The following FANCA variants were observed in gnomAD, a reference collection of about 807,000 sequenced individuals.
FANCA encodes the protein Fanconi anemia group A protein.
A neutral mutation model predicts 194.3 loss-of-function variants in FANCA; 236 were observed. The observed-to-expected ratio is 1.21, with a 90% confidence interval of 1.09 to 1.35. The LOEUF (loss-of-function observed/expected upper bound fraction) is 1.35, where lower values mean the gene tolerates loss of function less well. Ranked by LOEUF, FANCA falls within the 40% of genes most tolerant of loss-of-function variation. FANCA has a pLI of 0.00. For missense variants in FANCA, 2,628 were observed against 1,813.9 expected (o/e 1.45, Z -8.15); for synonymous variants, 1,014 against 715.8 (o/e 1.42, Z -6.65).
At chr16:89,746,339 A>G (rs2038386462) in intron 35 of FANCA, among the ~76,000 whole-genome samples, 1 of 152,140 alleles carries the variant, frequency 6.6e-6, no homozygotes, top group African/African-American at 2.4e-5. Context: ...TGGGGTCCAC[A>G]GGGGAGAAGT....
intron 29 of FANCA, among the ~76,000 whole-genome samples, chr16:89,760,632 C>G (rs905296476): frequency 6.6e-6 from 1 of 152,186 alleles, no homozygotes; most frequent in African/African-American, 2.4e-5. Flanking sequence ...CTCCTATGCC[C>G]AGAACAGCAC....
chr16:89,801,757 G>T (rs2040461236), intron 8 of FANCA, among the ~76,000 whole-genome samples: 1 of 151,866 alleles, frequency 6.6e-6, no homozygotes, highest in African/African-American at 2.4e-5. Flanking sequence ...GCATGGTGGT[G>T]CATGCCTGTA....
In FANCA at chr16:89,762,000, T is replaced by C; in HGVS notation, c.2801A>G (p.His934Arg). 1 of 1,614,004 alleles carries C rather than the reference T, an allele frequency of 6.2e-7. No individual in the cohort carries two copies. Among genetic ancestry groups the C allele is most frequent in the Non-Finnish European group, 8.5e-7 (1 of 1,179,898 alleles). Residue 934 changes from histidine (H) to arginine (R), a missense_variant, in exon 29 of 43, where the codon CAC (histidine) becomes CGC (arginine). Transcript: ENST00000389301. Reference protein sequence around the residue: ...DVHLTYQDWLHLELEIQPEAD... With the variant: ...DVHLTYQDWLRLELEIQPEAD... Reference sequence around the variant, plus strand: ...TTCAGGTTGAATTTCCAGCTCCAGGTGTAACCAGTCTTGGTAAGTTAACTG... The same window carrying C: ...TTCAGGTTGAATTTCCAGCTCCAGGCGTAACCAGTCTTGGTAAGTTAACTG...
intron 28 of FANCA, among the ~76,000 whole-genome samples, chr16:89,762,236 G>A (rs1226785629): frequency 6.6e-6 from 1 of 152,212 alleles, no homozygotes; most frequent in Non-Finnish European, 1.5e-5. Flanking sequence ...TGTTAGTACT[G>A]TAATCCTTCT....
intron 13 of FANCA, 67 bp downstream of exon 13, chr16:89,791,860 G>A: frequency 2.5e-6 from 4 of 1,600,208 alleles, no homozygotes; most frequent in Non-Finnish European, 2.6e-6. Flanking sequence ...ACAGTCAGCT[G>A]GGACTCTGCT....
chr16:89,787,905 G>C (rs965083381), intron 14 of FANCA, among the ~76,000 whole-genome samples: 2 of 151,278 alleles, frequency 1.3e-5, no homozygotes, highest in East Asian at 2.0e-4. Flanking sequence ...ACGGGGTCTT[G>C]CTCCATTGCC....
At chr16:89,793,091 G>A (rs896344917) in intron 11 of FANCA, among the ~76,000 whole-genome samples, 95 of 152,330 alleles carry the variant, frequency 6.2e-4, no homozygotes, top group Non-Finnish European at 9.8e-4. Flanking sequence ...CCGGATAACT[G>A]TGGGTGAGCC....
At chr16:89,810,061 A>G (rs182296094) in intron 5 of FANCA, among the ~76,000 whole-genome samples, 1 of 151,554 alleles carries the variant, frequency 6.6e-6, no homozygotes, top group East Asian at 2.0e-4. Context: ...GGTGGCTCAC[A>G]CTTGTAATCC....
chr16:89,737,794 C>T lies in FANCA; in HGVS notation c.*807G>A. The T allele has an allele frequency of 1.2e-6, 2 of 1,614,168 alleles. No homozygotes were observed. The highest frequency in any genetic ancestry group is 1.1e-5 in the South Asian group (1 of 91,050). On this transcript the variant is annotated 3_prime_UTR_variant, in exon 43 of 43. Transcript: ENST00000389301. ...ATCAGGGGCCTGGACTCACTGGACT[C>T]TCCCCTCTCAGAGGTGCGGAACTAT...
rs969436574 is a variant in FANCA, at chr16:89,795,402, C to A, written c.1006+504G>T. On this transcript the variant is annotated intron_variant, in intron 11 of 42. Transcript: ENST00000389301. ...CCAACACTTCGACACTCTGGGAAGC[C>A]AAGGCAGGTGGAGCACCGAAGGTCA... Among the ~76,000 whole-genome samples, 28 of 152,090 alleles carry A rather than the reference C, an allele frequency of 1.8e-4. 1 individual carries two copies. Among genetic ancestry groups the A allele is most frequent in the Admixed American group, 1.7e-3 (26 of 15,272 alleles).
intron 10 of FANCA, chr16:89,798,345 A>G (rs2040318294): frequency 2.9e-6 from 3 of 1,033,142 alleles, no homozygotes; most frequent in South Asian, 4.5e-5. Flanking sequence ...ACTGATGCAC[A>G]TGTAAACATT....
intron 30 of FANCA, 23 bp downstream of exon 30, chr16:89,758,554 C>G (rs1050963741): frequency 2.5e-6 from 4 of 1,612,094 alleles, no homozygotes; most frequent in Non-Finnish European, 3.4e-6. Context: ...CCAGAGAACC[C>G]TAATACAGTG....
intron 30 of FANCA, 39 bp from the exon 31 acceptor site, chr16:89,752,261 C>T (rs1167967261): frequency 1.3e-6 from 2 of 1,542,738 alleles, no homozygotes; most frequent in Non-Finnish European, 9.0e-7. Flanking sequence ...TCAGTATCGC[C>T]TAATAGTGCT....
At chr16:89,751,622 C>T (rs774520895) in intron 31 of FANCA, among the ~76,000 whole-genome samples, 2 of 152,118 alleles carry the variant, frequency 1.3e-5, no homozygotes. Context: ...GCACAGAAGA[C>T]GCACGGGTGG....
In FANCA at chr16:89,795,985, A is replaced by T. The variant is rs780226614; in HGVS notation, c.927T>A (p.Ser309Arg). Reference sequence around the variant, plus strand: ...TCTTCAGAGGATCTGTGGAAATTACACTGCCAAGCGTGTGTCCACTGAACA... The same window carrying T: ...TCTTCAGAGGATCTGTGGAAATTACTCTGCCAAGCGTGTGTCCACTGAACA... ...FGVFSGHTLG[S>R]VISTDPLKRF... Residue 309 changes from serine to arginine, a missense_variant, in exon 11 of 43, where the codon AGT becomes AGA. Ser to Arg is a moderately radical substitution (Grantham distance 110, BLOSUM62 -1). Coordinates refer to ENST00000389301, the MANE Select transcript of FANCA (RefSeq NM_000135.4). 5.0e-6 allele frequency: 8 copies of T among 1,614,188 alleles called. No homozygotes were observed. Among genetic ancestry groups the T allele is most frequent in the Non-Finnish European group, 6.8e-6 (8 of 1,180,008 alleles).
intron 14 of FANCA, among the ~76,000 whole-genome samples, chr16:89,788,603 C>A (rs1258091827): frequency 6.6e-6 from 1 of 152,110 alleles, no homozygotes; most frequent in Non-Finnish European, 1.5e-5. Context: ...CTGAGACCAG[C>A]CTGAGCAACA....
Position 89,740,640 on chromosome 16 carries a change from A to C in FANCA, c.3828+164T>G, listed in dbSNP as rs982581204. 9 of 596,916 alleles carry C rather than the reference A, an allele frequency of 1.5e-5. No homozygotes were observed. In the African/African-American group the frequency reaches 1.7e-4, roughly 11 times the overall value. 37.0% of individuals were successfully genotyped at this position (596,916 alleles called of 1,614,324 possible). On this transcript the variant is annotated intron_variant, in intron 38 of 42. Coordinates refer to ENST00000389301, the MANE Select transcript of FANCA (RefSeq NM_000135.4). ...GACAGAGTGAGACCCCCATCTCAAA[A>C]AAAAAAAAAAAAAACCCACGGCCTG...
At position 89,773,243 on chromosome 16, in the gene FANCA, CACAGCATGAGCT is replaced by C. The variant is rs1471249086; in HGVS notation, c.2014+16_2014+27del. 1.5e-5 allele frequency: 22 copies of C among 1,509,654 alleles called. No homozygotes were observed. Among genetic ancestry groups the C allele is most frequent in the Non-Finnish European group, 1.9e-5 (21 of 1,111,266 alleles). 93.5% of individuals were successfully genotyped at this position (1,509,654 alleles called of 1,614,324 possible). On this transcript the variant is annotated intron_variant, in intron 22 of 42. Coordinates refer to ENST00000389301, the MANE Select transcript of FANCA (RefSeq NM_000135.4). ...CCAACCACAGGCTGCACACATGAGA[CACAGCATGAGCT>C]CCCATCCATCCTCACCATCACGCTG...
chr16:89,773,447 A>AGAAACTT, intron 21 of FANCA, 63 bp from the exon 22 acceptor site: 2 of 1,171,266 alleles, frequency 1.7e-6, no homozygotes, highest in South Asian at 2.6e-5. Context: ...CTGCAAAAAT[A>AGAAACTT]GAAACTTCAC....
Sources: gnomAD v4.1 joint callset for allele counts (sites outside exome capture counted in the v4.1 genomes callset) on GRCh38, gnomAD v4.1.1 for gene constraint, MANE v1.5 for transcripts, NCBI Gene and HGNC (gene_info 2026-07-23, HGNC 2026-07-21) for gene names.